Variants in MAGEB3 observed in about 807,000 individuals in gnomAD.
The protein encoded by MAGEB3 is MAGE family member B3, also known as melanoma-associated antigen B3.
For missense variants in MAGEB3, 191 were observed against 262.4 expected, an observed-to-expected ratio of 0.73 and a Z score of 1.88; for synonymous variants, 91 against 93.0, an observed-to-expected ratio of 0.98 and a Z score of 0.12.
chrX:30,231,363 G>C (rs770895944), intron 1 of MAGEB3, among the ~76,000 whole-genome samples, 154 bp from the exon 2 acceptor site: 5 of 107,201 alleles, frequency 4.7e-5, no homozygotes, highest in South Asian at 8.4e-4. Context: ...CCAGCTATTC[G>C]GGAGGCGGAG....
At position 30,230,935 on chromosome X, in the gene MAGEB3, AG is replaced by A. The variant is rs1311759792; in HGVS notation, c.-356+119del. ...ATAAAACTGGCTTGCCTCTCATTTC[AG>A]CCTGGCGGATCTCAGGGAGGGGAAG... On this transcript the variant is annotated intron_variant, in intron 1 of 4. Transcript: ENST00000361644. 8 of 111,778 alleles carry A rather than the reference AG, an allele frequency of 7.2e-5. No homozygotes were observed. The Admixed American group carries it at 7.6e-4, about 11-fold the overall frequency. 9.2% of individuals were successfully genotyped at this position (111,778 alleles called of 1,213,427 possible).
In MAGEB3 at chrX:30,236,860, A is replaced by G. The variant is rs1369393994; in HGVS notation, c.936A>G (p.Arg312=). 8.3e-7 allele frequency: 1 copy of G among 1,211,367 alleles called. No homozygotes were observed. Among genetic ancestry groups the G allele is most frequent in the Admixed American group, 2.2e-5 (1 of 46,046 alleles). ...AGTTCTGGTATGAAGAGGCTTTGAG[A>G]GATGAGGAAGAAAGAGTCCAAGCTG... ...AFQFWYEEAL[R]DEEERVQAAA... Residue 312 remains arginine, a synonymous_variant, in exon 5 of 5, where the codon AGA becomes AGG. Transcript: ENST00000361644.
At position 30,231,565 on chromosome X, in the gene MAGEB3, G is replaced by A. The variant is rs1285490227; in HGVS notation, c.-307G>A. On this transcript the variant is annotated 5_prime_UTR_variant, in exon 2 of 5. Coordinates refer to ENST00000361644, the MANE Select transcript of MAGEB3 (RefSeq NM_002365.5). The stretch of plus-strand genomic sequence containing the variant: ...AATCCCAACATTTTGGGAGGACGAA[G>A]CCAGCCTCATCGCTTAAGCACAGGA... 5 of 100,363 alleles carry A rather than the reference G, an allele frequency of 5.0e-5. No homozygotes were observed. Among genetic ancestry groups the A allele is most frequent in the Non-Finnish European group, 1.0e-4 (5 of 50,040 alleles). The allele number at this position is 100,363 out of a possible 1,213,427, so 8.3% of individuals were successfully genotyped here. A position where few individuals can be genotyped will look rare whatever the true frequency, so the allele number is the denominator to read the frequency against.
rs777265461 is a variant in MAGEB3, at chrX:30,235,999, C to G, written c.75C>G (p.His25Gln). 8.3e-7 allele frequency: 1 copy of G among 1,211,000 alleles called. No homozygotes were observed. The highest frequency in any genetic ancestry group is 1.1e-6 in the Non-Finnish European group (1 of 895,092). ...AGACCCGGGGTCAGACCCAGGATCA[C>G]CAGGGTGCTCAGATCACTGCAACTA... ...RQQTRGQTQD[H>Q]QGAQITATNK... is the part of the protein sequence containing the mutation. The change falls in exon 5 of 5, where the codon CAC (histidine) becomes CAG (glutamine). Residue 25 changes from histidine (H) to glutamine (Q), a missense_variant. Coordinates refer to ENST00000361644, the MANE Select transcript of MAGEB3 (RefSeq NM_002365.5).
intron 4 of MAGEB3, among the ~76,000 whole-genome samples, chrX:30,235,346 A>C (rs1380875828): frequency 9.0e-6 from 1 of 111,385 alleles, no homozygotes; most frequent in Non-Finnish European, 1.9e-5. Flanking sequence ...AGACAAGATG[A>C]GGACTATGAA....
Position 30,237,118 on chromosome X carries a change from G to A in MAGEB3, c.*153G>A. The A allele has an allele frequency of 7.5e-6, 3 of 401,499 alleles. No homozygotes were observed. Among genetic ancestry groups the A allele is most frequent in the Non-Finnish European group, 1.3e-5 (3 of 235,217 alleles). The allele number at this position is 401,499 out of a possible 1,213,427, so 33.1% of individuals were successfully genotyped here. A position where few individuals can be genotyped will look rare whatever the true frequency, so the allele number is the denominator to read the frequency against. On this transcript the variant is annotated 3_prime_UTR_variant, in exon 5 of 5. Transcript: ENST00000361644. Reference sequence around the variant, plus strand: ...TTTGAAGTTTTATCTGTATTTTGGGGCATATTTTTCAAATGTTCCTTTTAT... The same window carrying A: ...TTTGAAGTTTTATCTGTATTTTGGGACATATTTTTCAAATGTTCCTTTTAT...
At chrX:30,233,087 C>T (rs1398220014) in intron 3 of MAGEB3, among the ~76,000 whole-genome samples, 171 bp downstream of exon 3, 1 of 108,857 alleles carries the variant, frequency 9.2e-6, no homozygotes, top group African/African-American at 3.4e-5. Flanking sequence ...CAGGTGTAGT[C>T]CCAGCTATTC....
intron 4 of MAGEB3, among the ~76,000 whole-genome samples, chrX:30,234,536 T>C (rs1421911984): frequency 9.0e-6 from 1 of 110,530 alleles, no homozygotes; most frequent in Admixed American, 9.6e-5. Context: ...CCCCAACCTG[T>C]AACAAAGAGG....
chrX:30,233,750 C>T (rs1285199301), intron 4 of MAGEB3, among the ~76,000 whole-genome samples: 3 of 111,909 alleles, frequency 2.7e-5, no homozygotes, highest in Non-Finnish European at 3.8e-5. Flanking sequence ...TGTCAGCCCT[C>T]GGAGACCCAG....
At chrX:30,235,020 C>T (rs905726718) in intron 4 of MAGEB3, among the ~76,000 whole-genome samples, 7 of 111,786 alleles carry the variant, frequency 6.3e-5, no homozygotes, top group African/African-American at 2.3e-4. Flanking sequence ...GTCAGCCCCC[C>T]TTACTGCCTA....
intron 2 of MAGEB3, 23 bp from the exon 3 acceptor site, chrX:30,232,804 T>G (rs1601960751): frequency 2.3e-5 from 1 of 43,988 alleles, no homozygotes; most frequent in Non-Finnish European, 5.2e-5. Flanking sequence ...AAATATAAAC[T>G]TTTTTTTATT....
chrX:30,234,527 C>G (rs2147338149), intron 4 of MAGEB3, among the ~76,000 whole-genome samples: 1 of 110,755 alleles, frequency 9.0e-6, no homozygotes, highest in East Asian at 2.8e-4. Context: ...ACCACCATCC[C>G]CCAACCTGTA....
chrX:30,232,975 C>G (rs1451407781), intron 3 of MAGEB3, 59 bp downstream of exon 3: 1 of 105,834 alleles, frequency 9.4e-6, no homozygotes. Context: ...ATCGCTTAAG[C>G]CCTAGGAGTC....
Position 30,235,908 on chromosome X carries a change from T to G in MAGEB3, c.-17T>G. Reference sequence around the variant, plus strand: ...TTCTGCTGACACTCCTGCCTGCTGTTCCTGACTACAGCCATCATGCCTCGG... The same window carrying G: ...TTCTGCTGACACTCCTGCCTGCTGTGCCTGACTACAGCCATCATGCCTCGG... On this transcript the variant is annotated 5_prime_UTR_variant, in exon 5 of 5. Coordinates refer to ENST00000361644, the MANE Select transcript of MAGEB3 (RefSeq NM_002365.5). 1 of 1,171,816 alleles carries G rather than the reference T, an allele frequency of 8.5e-7. No homozygotes were observed. The highest frequency in any genetic ancestry group is 1.1e-6 in the Non-Finnish European group (1 of 871,334).
At chrX:30,234,180 G>A (rs942716353) in intron 4 of MAGEB3, among the ~76,000 whole-genome samples, 2 of 111,230 alleles carry the variant, frequency 1.8e-5, no homozygotes, top group Non-Finnish European at 3.8e-5. Flanking sequence ...ATCCAGGGAG[G>A]GAAGTGTTCA....
chrX:30,233,234 A>C (rs746211288), intron 3 of MAGEB3, 28 bp from the exon 4 acceptor site: 1 of 86,927 alleles, frequency 1.2e-5, no homozygotes, highest in East Asian at 3.8e-4. Context: ...ATAAATAGAT[A>C]TAAACTTTTT....
chrX:30,233,881 G>A (rs903627131), intron 4 of MAGEB3, among the ~76,000 whole-genome samples: 6 of 111,546 alleles, frequency 5.4e-5, no homozygotes, highest in African/African-American at 1.3e-4. Context: ...GCACCCAGAG[G>A]GAGGGTCTTT....
intron 4 of MAGEB3, among the ~76,000 whole-genome samples, chrX:30,234,093 G>C (rs963294951): frequency 1.4e-4 from 16 of 111,210 alleles, no homozygotes; most frequent in African/African-American, 4.6e-4. Context: ...TTTTTTTTCA[G>C]ACAAGGTCTC....
intron 1 of MAGEB3, among the ~76,000 whole-genome samples, chrX:30,231,021 A>G (rs1200072485): frequency 2.7e-5 from 3 of 110,786 alleles, no homozygotes; most frequent in African/African-American, 9.8e-5. Flanking sequence ...ACTAGAGTCA[A>G]GATGAAGACC....
Sources: allele counts gnomAD v4.1 joint callset (sites outside exome capture counted in the v4.1 genomes callset), GRCh38; gene constraint gnomAD v4.1.1; transcripts MANE v1.5; gene names NCBI Gene and HGNC (gene_info 2026-07-23, HGNC 2026-07-21).